The following RBFOX1 variants were observed in gnomAD, a reference collection of about 807,000 sequenced individuals.
RBFOX1 encodes the protein RNA binding fox-1 homolog 1, also known as RNA binding protein fox-1 homolog 1.
A neutral mutation model predicts 57.7 loss-of-function variants in RBFOX1; 8 were observed. That is an observed-to-expected ratio of 0.14 (90% CI 0.08 to 0.25). RBFOX1 has a LOEUF of 0.25. Ranked by LOEUF, RBFOX1 falls within the 10% of genes least tolerant of loss-of-function variation. The pLI is 1.00. For missense variants in RBFOX1, 611 were observed against 548.5 expected (o/e 1.11, Z -1.14); for synonymous variants, 326 against 222.4 (o/e 1.47, Z -4.15).
chr16:6,498,689 A>G (rs1014334144), intron 2 of RBFOX1, among the ~76,000 whole-genome samples: 5 of 152,356 alleles, frequency 3.3e-5, no homozygotes, highest in Admixed American at 6.5e-5. Context: ...GTGTGATCAC[A>G]TTGGATTGTC....
At chr16:5,538,183 G>T (rs1385891680) in intron 2 of RBFOX1, among the ~76,000 whole-genome samples, 1 of 152,164 alleles carries the variant, frequency 6.6e-6, no homozygotes, top group Non-Finnish European at 1.5e-5. Flanking sequence ...GAGATGTAGA[G>T]CCAAGAGGCC....
chr16:6,560,314 A>G (rs2097163466), intron 2 of RBFOX1, among the ~76,000 whole-genome samples: 1 of 142,178 alleles, frequency 7.0e-6, no homozygotes, highest in African/African-American at 2.5e-5. Flanking sequence ...AAACCAAAAC[A>G]GAAAAGGATG....
chr16:7,443,383 T>G (rs2098784310), intron 4 of RBFOX1, among the ~76,000 whole-genome samples: 2 of 152,004 alleles, frequency 1.3e-5, no homozygotes, highest in Admixed American at 1.3e-4. Flanking sequence ...TCTTTCACAT[T>G]AATCATGTAA....
chr16:7,116,573 C>G (rs2065948438), intron 4 of RBFOX1, among the ~76,000 whole-genome samples: 1 of 152,284 alleles, frequency 6.6e-6, no homozygotes, highest in Non-Finnish European at 1.5e-5. Flanking sequence ...TCCATTAAAG[C>G]TTAAACTAAA....
At chr16:5,277,972 A>G (rs1347805719) in intron 1 of RBFOX1, among the ~76,000 whole-genome samples, 1 of 152,224 alleles carries the variant, frequency 6.6e-6, no homozygotes, top group Non-Finnish European at 1.5e-5. Context: ...GGGTACGGGT[A>G]CAGGTATCCC....
intron 1 of RBFOX1, among the ~76,000 whole-genome samples, chr16:6,207,199 C>A (rs1384642786): frequency 2.0e-5 from 3 of 152,132 alleles, no homozygotes; most frequent in African/African-American, 7.2e-5. Flanking sequence ...TGTCTTTTCC[C>A]TTTAGCTTTC....
At chr16:7,416,664 C>T (rs573110323) in intron 4 of RBFOX1, among the ~76,000 whole-genome samples, 1 of 152,046 alleles carries the variant, frequency 6.6e-6, no homozygotes, top group Non-Finnish European at 1.5e-5. Flanking sequence ...ACCCCAGTGG[C>T]AATGGATACC....
At chr16:5,815,156 ATTTTT>A (rs71142650) in intron 3 of RBFOX1, among the ~76,000 whole-genome samples, 5 of 114,210 alleles carry the variant, frequency 4.4e-5, no homozygotes, top group Non-Finnish European at 6.8e-5. Flanking sequence ...ATTTAATTTA[ATTTTT>A]TTTTTTTTTT....
intron 3 of RBFOX1, among the ~76,000 whole-genome samples, chr16:5,805,382 G>A (rs551325615): frequency 6.6e-6 from 1 of 152,162 alleles, no homozygotes; most frequent in East Asian, 1.9e-4. Flanking sequence ...TTAGAGCCTT[G>A]GGCTATTTAT....
At chr16:6,022,671 G>A (rs1411714310) in intron 1 of RBFOX1, among the ~76,000 whole-genome samples, 1 of 152,124 alleles carries the variant, frequency 6.6e-6, no homozygotes, top group African/African-American at 2.4e-5. Flanking sequence ...TGACCAGAAT[G>A]AGACCCTGCC....
intron 1 of RBFOX1, among the ~76,000 whole-genome samples, chr16:5,385,458 G>C (rs141784616): frequency 6.6e-6 from 1 of 152,308 alleles, no homozygotes; most frequent in African/African-American, 2.4e-5. Flanking sequence ...TTTGAGCAGA[G>C]AGTACTTAAC....
intron 13 of RBFOX1, among the ~76,000 whole-genome samples, chr16:7,673,843 T>C (rs560964122): frequency 9.3e-4 from 141 of 152,300 alleles, no homozygotes; most frequent in South Asian, 2.1e-3. Context: ...TTTGGTTTGG[T>C]GGTGGGAAAA....
chr16:6,934,559 T>A (rs529750426), intron 3 of RBFOX1, among the ~76,000 whole-genome samples: 2 of 152,262 alleles, frequency 1.3e-5, no homozygotes, highest in Admixed American at 6.5e-5. Context: ...AAGAAGGAAT[T>A]TTTTAAAAAG....
In RBFOX1 at chr16:6,586,166, G is replaced by C. The variant is rs147877568; in HGVS notation, c.-63-68437G>C. 2.4e-3 allele frequency among the ~76,000 whole-genome samples: 360 copies of C among 152,306 alleles called. 3 individuals are homozygous for C. The highest frequency in any genetic ancestry group is 8.1e-3 in the African/African-American group (335 of 41,572). On this transcript the variant is annotated intron_variant, in intron 2 of 15. Transcript: ENST00000550418. ...CGTTTGGAATCAGGAGGTCCAGAAG[G>C]CAGCCGTAGGCAGTTGTTTGTGCAT...
chr16:6,364,156 C>T (rs1366190189), intron 2 of RBFOX1, among the ~76,000 whole-genome samples: 4 of 152,204 alleles, frequency 2.6e-5, no homozygotes, highest in Admixed American at 1.3e-4. Flanking sequence ...AAGTCCAACT[C>T]TCCTTTGCAA....
chr16:7,166,160 C>T (rs1014457570), intron 4 of RBFOX1, among the ~76,000 whole-genome samples: 1 of 152,022 alleles, frequency 6.6e-6, no homozygotes, highest in Non-Finnish European at 1.5e-5. Flanking sequence ...ATTACAGGTG[C>T]ATGCCAGCAC....
chr16:7,364,168 A>G (rs1662392712), intron 4 of RBFOX1, among the ~76,000 whole-genome samples: 1 of 152,198 alleles, frequency 6.6e-6, no homozygotes, highest in African/African-American at 2.4e-5. Flanking sequence ...ACAACAGCTC[A>G]GCTTACGTCT....
At chr16:6,916,962 G>C (rs572446916) in intron 3 of RBFOX1, among the ~76,000 whole-genome samples, 10 of 152,068 alleles carry the variant, frequency 6.6e-5, no homozygotes, top group African/African-American at 1.7e-4. Flanking sequence ...CGGTTTTCCT[G>C]CCTCAGCCTC....
chr16:5,967,793 T>A (rs905078879), intron 4 of RBFOX1, among the ~76,000 whole-genome samples: 1 of 152,154 alleles, frequency 6.6e-6, no homozygotes, highest in African/African-American at 2.4e-5. Context: ...CTCAGAATTA[T>A]AATACTCAGA....
Sources: gnomAD v4.1 joint callset for allele counts (sites outside exome capture counted in the v4.1 genomes callset) on GRCh38, gnomAD v4.1.1 for gene constraint, MANE v1.5 for transcripts, NCBI Gene and HGNC (gene_info 2026-07-23, HGNC 2026-07-21) for gene names.